Variants in TUSC3 observed in about 807,000 individuals in gnomAD.
TUSC3 encodes the protein dolichyl-diphosphooligosaccharide--protein glycosyltransferase subunit TUSC3.
A neutral mutation model predicts 44.8 loss-of-function variants in TUSC3; 45 were observed. The observed-to-expected ratio is 1.00, with a 90% CI of 0.79 to 1.29. The LOEUF (loss-of-function observed/expected upper bound fraction) is 1.29, where lower values mean the gene tolerates loss of function less well. TUSC3 is among the 50% of genes most tolerant of loss of function. The pLI is 0.00. For missense variants in TUSC3, 519 were observed against 437.9 expected (o/e 1.19, Z -1.65); for synonymous variants, 212 against 152.9 (o/e 1.39, Z -2.85).
intron 2 of TUSC3, among the ~76,000 whole-genome samples, chr8:15,628,173 CCT>C: frequency 1.3e-5 from 2 of 151,958 alleles, no homozygotes; most frequent in Admixed American, 1.3e-4. Context: ...GTATTGATTT[CCT>C]AAAATCACTA....
chr8:15,423,221 T>C (rs1799760412), intron 1 of TUSC3, among the ~76,000 whole-genome samples: 1 of 152,316 alleles, frequency 6.6e-6, no homozygotes, highest in Admixed American at 6.5e-5. Context: ...CAGACACACA[T>C]AGATCCATAT....
intron 2 of TUSC3, among the ~76,000 whole-genome samples, chr8:15,518,379 A>C (rs191005939): frequency 6.6e-6 from 1 of 152,312 alleles, no homozygotes; most frequent in African/African-American, 2.4e-5. Flanking sequence ...AAAAAGTTGA[A>C]TATTAAATGG....
intron 2 of TUSC3, among the ~76,000 whole-genome samples, chr8:15,523,853 C>T (rs997879683): frequency 2.0e-5 from 3 of 151,326 alleles, no homozygotes; most frequent in Admixed American, 6.6e-5. Flanking sequence ...GTCAAGAAAT[C>T]GAGACCATCC....
chr8:15,590,570 C>A (rs1803786168), intron 1 of TUSC3, among the ~76,000 whole-genome samples: 2 of 151,992 alleles, frequency 1.3e-5, no homozygotes, highest in African/African-American at 2.4e-5. Flanking sequence ...GAAGGAATTT[C>A]CCTGAACACC....
At chr8:15,781,432 AAC>A in the TUSC3 span, among the ~76,000 whole-genome samples, 1 of 152,190 alleles carries the variant, frequency 6.6e-6, no homozygotes, top group African/African-American at 2.4e-5. Context: ...ACTGAGATAT[AAC>A]ACAATTAAAC....
At chr8:15,737,466 G>A (rs1026918923) in intron 7 of TUSC3, among the ~76,000 whole-genome samples, 1 of 152,100 alleles carries the variant, frequency 6.6e-6, no homozygotes, top group Non-Finnish European at 1.5e-5. Flanking sequence ...GTGGGATCAT[G>A]TCAGTATTTT....
At chr8:15,796,733 T>G in the TUSC3 span, among the ~76,000 whole-genome samples, 1 of 152,168 alleles carries the variant, frequency 6.6e-6, no homozygotes, top group Non-Finnish European at 1.5e-5. Context: ...CCATGTTGTA[T>G]GTAAAGTTGC....
At position 15,540,518 on chromosome 8, in the gene TUSC3, C is replaced by G. The variant is rs1394329101; in HGVS notation, c.88C>G (p.Leu30Val). The G allele has an allele frequency of 3.1e-6, 5 of 1,604,398 alleles. No homozygotes were observed. The highest frequency in any genetic ancestry group is 3.4e-5 in the Admixed American group (2 of 59,394). The change falls in exon 1 of 11, where the codon CTG (leucine) becomes GTG (valine). Residue 30 changes from leucine (L) to valine (V), a missense_variant. By Grantham distance (32) the Leu-to-Val change is conservative (BLOSUM62 1). Transcript: ENST00000503731. ...LPTGSFPFLL[L>V]LLLLCIQLGG... is the part of the protein sequence containing the mutation. ...CACCGGGAGCTTTCCCTTCCTTCTC[C>G]TGCTGCTGCTGCTCTGCATCCAGCT...
chr8:15,845,513 T>C, the TUSC3 span, among the ~76,000 whole-genome samples: 3 of 152,204 alleles, frequency 2.0e-5, no homozygotes, highest in Non-Finnish European at 4.4e-5. Flanking sequence ...ATCTCTAACA[T>C]TGTCTTGAGT....
chr8:15,815,244 TAGAG>T, the TUSC3 span, among the ~76,000 whole-genome samples: 51 of 152,072 alleles, frequency 3.4e-4, 1 homozygote, highest in African/African-American at 1.2e-3. Context: ...AGACTATTAA[TAGAG>T]AGATCGAAGG....
At chr8:15,563,779 G>C (rs1802568222) in intron 1 of TUSC3, among the ~76,000 whole-genome samples, 1 of 150,904 alleles carries the variant, frequency 6.6e-6, no homozygotes, top group South Asian at 2.1e-4. Flanking sequence ...TTCTTAAATT[G>C]CATGATACTG....
chr8:15,736,716 C>G (rs1415753371), intron 7 of TUSC3, among the ~76,000 whole-genome samples: 2 of 152,080 alleles, frequency 1.3e-5, no homozygotes, highest in African/African-American at 4.8e-5. Context: ...CCTAACTAAT[C>G]TGCCTTTTTT....
chr8:15,613,749 T>C (rs554717375), intron 1 of TUSC3, among the ~76,000 whole-genome samples: 1 of 152,332 alleles, frequency 6.6e-6, no homozygotes, highest in South Asian at 2.1e-4. Flanking sequence ...AGTTGTATTA[T>C]ATTCCATCTT....
At chr8:15,848,788 G>C in the TUSC3 span, among the ~76,000 whole-genome samples, 1 of 152,172 alleles carries the variant, frequency 6.6e-6, no homozygotes, top group Non-Finnish European at 1.5e-5. Context: ...GTAATTCTAT[G>C]AAAATAACTT....
At chr8:15,460,066 C>G (rs997071794) in intron 1 of TUSC3, among the ~76,000 whole-genome samples, 6 of 152,110 alleles carry the variant, frequency 3.9e-5, no homozygotes, top group African/African-American at 1.2e-4. Context: ...AGTGGGACTG[C>G]TGGATCAAAT....
At chr8:15,781,436 CAATT>C in the TUSC3 span, among the ~76,000 whole-genome samples, 13 of 152,124 alleles carry the variant, frequency 8.5e-5, no homozygotes, top group Middle Eastern at 3.4e-3. Flanking sequence ...AGATATAACA[CAATT>C]AAACTGTCAA....
chr8:15,844,551 C>G, the TUSC3 span, among the ~76,000 whole-genome samples: 4 of 152,132 alleles, frequency 2.6e-5, no homozygotes, highest in African/African-American at 4.8e-5. Context: ...ATGTCCATAA[C>G]TCAGATTTAT....
At chr8:15,457,103 T>C (rs1355654195) in intron 1 of TUSC3, among the ~76,000 whole-genome samples, 1 of 136,290 alleles carries the variant, frequency 7.3e-6, no homozygotes, top group Non-Finnish European at 1.5e-5. Flanking sequence ...CACTCATAGG[T>C]GGGAATTGAA....
At chr8:15,574,881 A>G (rs946648999) in intron 1 of TUSC3, among the ~76,000 whole-genome samples, 4 of 152,130 alleles carry the variant, frequency 2.6e-5, no homozygotes, top group Non-Finnish European at 4.4e-5. Flanking sequence ...AACATATTCA[A>G]CTTTATACTT....
Sources: gnomAD v4.1 joint callset for allele counts (sites outside exome capture counted in the v4.1 genomes callset) on GRCh38, gnomAD v4.1.1 for gene constraint, MANE v1.5 for transcripts, NCBI Gene and HGNC (gene_info 2026-07-23, HGNC 2026-07-21) for gene names.